FAM209A: variants seen among roughly 807,000 people sequenced by gnomAD.
FAM209A encodes the protein family with sequence similarity 209 member A.
Under a neutral mutation model 9.8 loss-of-function variants are expected in FAM209A, and 4 were observed. The observed-to-expected ratio is 0.41, with a 90% CI of 0.20 to 0.94. FAM209A has a LOEUF of 0.94. FAM209A is among the 40% of genes least tolerant of loss of function. The probability of loss-of-function intolerance (pLI) is 0.32; values close to 1 mark genes in which losing one functional copy is unlikely to be tolerated. For synonymous variants in FAM209A, 55 were observed against 77.8 expected (o/e 0.71, Z 1.54); for missense variants, 205 against 209.4 (o/e 0.98, Z 0.13).
chr20:56,525,756 A>G, intron 1 of FAM209A, 48 bp from the exon 2 acceptor site: 1 of 1,585,082 alleles, frequency 6.3e-7, no homozygotes, highest in Non-Finnish European at 8.6e-7. Flanking sequence ...CTGTGTCAAA[A>G]CCAACAAAGT....
chr20:56,528,750 G>A (rs549130808), downstream of FAM209A, among the ~76,000 whole-genome samples: 22 of 152,282 alleles, frequency 1.4e-4, no homozygotes, highest in South Asian at 8.3e-4. Flanking sequence ...GGGTCATGCC[G>A]CATACCCTAG....
chr20:56,530,212 G>A (rs771236674), downstream of FAM209A, among the ~76,000 whole-genome samples: 7 of 147,592 alleles, frequency 4.7e-5, no homozygotes, highest in Admixed American at 7.0e-5. Flanking sequence ...AGTATCTACT[G>A]TATGCCATTT....
At chr20:56,527,847 CTG>C (rs1985605571), downstream of FAM209A, among the ~76,000 whole-genome samples, 1 of 152,240 alleles carries the variant, frequency 6.6e-6, no homozygotes, top group African/African-American at 2.4e-5. Flanking sequence ...TGGCTTATGT[CTG>C]TAATCCCAGC....
chr20:56,530,339 G>C (rs940041547), downstream of FAM209A, among the ~76,000 whole-genome samples: 4 of 152,226 alleles, frequency 2.6e-5, no homozygotes, highest in Non-Finnish European at 4.4e-5. Context: ...ATGTGGAGGA[G>C]CAGAGAGGAC....
At chr20:56,530,000 G>A (rs1006493316), downstream of FAM209A, among the ~76,000 whole-genome samples, 3 of 152,194 alleles carry the variant, frequency 2.0e-5, no homozygotes, top group African/African-American at 4.8e-5. Flanking sequence ...CAGCCTGGGC[G>A]ACACAGCAAG....
At chr20:56,531,607 C>G in the FAM209A span, among the ~76,000 whole-genome samples, 18 of 150,830 alleles carry the variant, frequency 1.2e-4, no homozygotes, top group Non-Finnish European at 2.1e-4. Context: ...GGCCTCTTAC[C>G]ACAATTTTAA....
At chr20:56,528,427 CAA>C (rs34236877), downstream of FAM209A, among the ~76,000 whole-genome samples, 216 of 81,822 alleles carry the variant, frequency 2.6e-3, 2 homozygotes, top group African/African-American at 8.5e-3. Context: ...ACCCTCTCTA[CAA>C]AAAAAAAAAA....
chr20:56,529,890 A>G (rs1985683470), downstream of FAM209A, among the ~76,000 whole-genome samples: 3 of 151,658 alleles, frequency 2.0e-5, no homozygotes, highest in Admixed American at 2.0e-4. Flanking sequence ...GCGTGATGGC[A>G]TGCACCTGTA....
At chr20:56,531,619 C>T in the FAM209A span, among the ~76,000 whole-genome samples, 1 of 149,254 alleles carries the variant, frequency 6.7e-6, no homozygotes, top group Non-Finnish European at 1.5e-5. Context: ...CAATTTTAAT[C>T]GAACTATACT....
At chr20:56,526,725 G>T (rs1043904260), downstream of FAM209A, among the ~76,000 whole-genome samples, 7 of 151,944 alleles carry the variant, frequency 4.6e-5, no homozygotes, top group Non-Finnish European at 1.0e-4. Context: ...TCGCACCGCT[G>T]CACTCCAGCC....
At chr20:56,531,025 T>A (rs1419418476), downstream of FAM209A, among the ~76,000 whole-genome samples, 3 of 152,168 alleles carry the variant, frequency 2.0e-5, no homozygotes, top group Admixed American at 6.5e-5. Context: ...GATTTCTTGT[T>A]TCATGTCATT....
chr20:56,532,949 C>G, the FAM209A span, among the ~76,000 whole-genome samples: 4 of 152,198 alleles, frequency 2.6e-5, no homozygotes, highest in African/African-American at 9.7e-5. Context: ...ATATCTTTCT[C>G]TCCCATTTAA....
chr20:56,532,915 A>G, the FAM209A span, among the ~76,000 whole-genome samples: 2 of 152,136 alleles, frequency 1.3e-5, no homozygotes, highest in Non-Finnish European at 2.9e-5. Flanking sequence ...GGTGGCTCCG[A>G]GTTTGTAGGT....
downstream of FAM209A, among the ~76,000 whole-genome samples, chr20:56,526,385 C>T (rs186905760): frequency 4.0e-4 from 61 of 152,252 alleles, no homozygotes; most frequent in African/African-American, 1.4e-3. Context: ...AAGATGCTGA[C>T]GTCACTTCCA....
chr20:56,527,813 G>A (rs776273849), downstream of FAM209A, among the ~76,000 whole-genome samples: 24 of 152,204 alleles, frequency 1.6e-4, no homozygotes, highest in Non-Finnish European at 2.8e-4. Flanking sequence ...ATCTTCCCGG[G>A]AAGAATATGG....
At position 56,524,977 on chromosome 20, in the gene FAM209A, G is replaced by A. The variant is rs1413903626; in HGVS notation, c.169G>A (p.Gly57Arg). 6.2e-7 allele frequency: 1 copy of A among 1,614,198 alleles called. No individual in the cohort carries two copies. The highest frequency in any genetic ancestry group is 2.2e-5 in the East Asian group (1 of 44,884). Residue 57 changes from glycine (G) to arginine (R), a missense_variant, in exon 1 of 2, where the codon GGG (glycine) becomes AGG (arginine). By Grantham distance (125) the Gly-to-Arg change is moderately radical. Coordinates refer to ENST00000371328, the MANE Select transcript of FAM209A (RefSeq NM_001012971.4). The stretch of plus-strand genomic sequence containing the variant: ...ACCAGAGCACACCCAAGGCTGGCTT[G>A]GGAGCAAATGGCTCTGGCTTCTTTT... ...NLPEHTQGWL[G>R]SKWLWLLFVV...
downstream of FAM209A, among the ~76,000 whole-genome samples, chr20:56,527,075 T>C (rs1026784777): frequency 1.3e-5 from 2 of 152,222 alleles, no homozygotes; most frequent in African/African-American, 2.4e-5. Flanking sequence ...TCTCTGTACA[T>C]ACTTAGGTGC....
chr20:56,529,785 C>T (rs1185274389), downstream of FAM209A, among the ~76,000 whole-genome samples: 8 of 151,804 alleles, frequency 5.3e-5, no homozygotes, highest in African/African-American at 1.2e-4. Context: ...GCCGAGATCA[C>T]GCCATTGCAC....
chr20:56,530,880 G>GA, downstream of FAM209A, among the ~76,000 whole-genome samples: 1 of 152,064 alleles, frequency 6.6e-6, no homozygotes, highest in African/African-American at 2.4e-5. Context: ...GTGCCCAGCT[G>GA]ACTCTTGATT....
Sources: gnomAD v4.1 joint callset for allele counts (sites outside exome capture counted in the v4.1 genomes callset) on GRCh38, gnomAD v4.1.1 for gene constraint, MANE v1.5 for transcripts, NCBI Gene and HGNC (gene_info 2026-07-23, HGNC 2026-07-21) for gene names.